DCDC1: variants seen among roughly 807,000 people sequenced by gnomAD.
The protein encoded by DCDC1 is doublecortin domain containing 1.
DCDC1 carries 200 observed loss-of-function variants against 178.3 expected under a neutral mutation model. The observed-to-expected ratio is 1.12, with a 90% CI of 1.00 to 1.26. The LOEUF (loss-of-function observed/expected upper bound fraction) is 1.26. DCDC1 is among the 50% of genes most tolerant of loss of function. The pLI is 0.00. For missense variants in DCDC1, 1,983 were observed against 1,749.2 expected (o/e 1.13, Z -2.38); for synonymous variants, 690 against 604.8 (o/e 1.14, Z -2.07).
chr11:31,144,930 A>T (rs980680516), intron 9 of DCDC1, among the ~76,000 whole-genome samples: 4 of 152,130 alleles, frequency 2.6e-5, no homozygotes, highest in African/African-American at 4.8e-5. Flanking sequence ...TATCCATATT[A>T]GACTTAGAAA....
chr11:31,001,039 A>G (rs1670344774), intron 20 of DCDC1, among the ~76,000 whole-genome samples: 1 of 152,164 alleles, frequency 6.6e-6, no homozygotes, highest in African/African-American at 2.4e-5. Flanking sequence ...AATTATTACC[A>G]TAACAGCTGT....
intron 8 of DCDC1, among the ~76,000 whole-genome samples, chr11:31,255,212 A>C (rs1315865444): frequency 1.3e-5 from 2 of 152,182 alleles, no homozygotes; most frequent in African/African-American, 4.8e-5. Flanking sequence ...ATGAACATTC[A>C]TGAACATTTG....
intron 20 of DCDC1, among the ~76,000 whole-genome samples, chr11:31,001,220 T>C (rs577188135): frequency 1.3e-5 from 2 of 152,332 alleles, no homozygotes; most frequent in South Asian, 2.1e-4. Context: ...AATTCATTAT[T>C]ATCATTATTT....
Position 31,305,622 on chromosome 11 carries a change from T to C in DCDC1, c.747A>G (p.Lys249=), listed in dbSNP as rs1308392143. The change falls in exon 6 of 39, where the codon AAA becomes AAG. Residue 249 remains lysine (K), a synonymous_variant. Coordinates refer to ENST00000684477, the MANE Select transcript of DCDC1 (RefSeq NM_001387274.1). ...TTTTTAGATCTTTTTTACCTTTAAT[T>C]TTTTTGAATGGATTTAAAAAGGGCT... ...TGEPFLNPFK[K]IKDHLLLIKK... is the part of the protein sequence containing the mutation. 3 of 1,613,314 alleles carry C rather than the reference T, an allele frequency of 1.9e-6. No individual in the cohort carries two copies. In the East Asian group the frequency reaches 6.7e-5, roughly 36 times the overall value.
intron 21 of DCDC1, among the ~76,000 whole-genome samples, chr11:30,942,354 C>A (rs562735103): frequency 1.3e-5 from 2 of 152,086 alleles, no homozygotes; most frequent in African/African-American, 4.8e-5. Context: ...TGGAGAAAAT[C>A]AACTTTTATA....
At chr11:31,233,660 C>A (rs1470753827) in intron 9 of DCDC1, among the ~76,000 whole-genome samples, 1 of 151,094 alleles carries the variant, frequency 6.6e-6, no homozygotes, top group Non-Finnish European at 1.5e-5. Flanking sequence ...AGATTGTGAA[C>A]TATATGTGTT....
intron 8 of DCDC1, among the ~76,000 whole-genome samples, chr11:31,247,034 A>G (rs1943613796): frequency 6.6e-6 from 1 of 152,088 alleles, no homozygotes; most frequent in South Asian, 2.1e-4. Context: ...CTACAGTGTT[A>G]TAATACTGCT....
At chr11:30,878,801 C>T (rs537430340) in intron 37 of DCDC1, 90 bp from the exon 38 acceptor site, 72 of 1,284,758 alleles carry the variant, frequency 5.6e-5, no homozygotes, top group Non-Finnish European at 6.9e-5. Context: ...ACTTGAAGAC[C>T]CCTCACAAAT....
intron 9 of DCDC1, among the ~76,000 whole-genome samples, chr11:31,213,123 C>CCTCTCTCTCTCTCT (rs1972904562): frequency 7.8e-6 from 1 of 127,540 alleles, no homozygotes; most frequent in Non-Finnish European, 1.7e-5. Flanking sequence ...CTCTCTCTCT[C>CCTCTCTCTCTCTCT]TCTCTCTCTC....
chr11:31,200,987 C>T (rs1311385205), intron 9 of DCDC1, among the ~76,000 whole-genome samples: 1 of 151,722 alleles, frequency 6.6e-6, no homozygotes, highest in African/African-American at 2.4e-5. Flanking sequence ...CAAATCTTCT[C>T]TAATTGGCTC....
chr11:31,113,338 G>A (rs1172416740), intron 11 of DCDC1, among the ~76,000 whole-genome samples: 3 of 152,092 alleles, frequency 2.0e-5, no homozygotes, highest in East Asian at 3.9e-4. Context: ...TGTGCACAAC[G>A]TGCATGTTTG....
intron 20 of DCDC1, among the ~76,000 whole-genome samples, chr11:30,970,083 G>A (rs781188004): frequency 6.6e-6 from 1 of 152,174 alleles, no homozygotes; most frequent in Non-Finnish European, 1.5e-5. Flanking sequence ...GGATAGAATG[G>A]GAATCTGGAG....
chr11:31,231,659 A>G (rs779706378), intron 9 of DCDC1, among the ~76,000 whole-genome samples: 45 of 152,094 alleles, frequency 3.0e-4, no homozygotes, highest in Non-Finnish European at 5.7e-4. Flanking sequence ...TTGTTACTTA[A>G]TAAGCCCTTC....
chr11:31,296,326 A>G (rs1361432953), intron 6 of DCDC1, among the ~76,000 whole-genome samples: 2 of 152,222 alleles, frequency 1.3e-5, no homozygotes, highest in East Asian at 3.9e-4. Context: ...TCTGTTCATT[A>G]TCCCTGTTCA....
rs763229369 is a variant in DCDC1, at chr11:30,917,124, G to C, written c.3294-96C>G. 269 of 1,204,790 alleles carry C rather than the reference G, an allele frequency of 2.2e-4. 2 individuals carry two copies. Among genetic ancestry groups the C allele is most frequent in the South Asian group, 9.0e-4 (37 of 41,036 alleles). The allele number at this position is 1,204,790 out of a possible 1,614,324, so 74.6% of individuals were successfully genotyped here. On this transcript the variant is annotated intron_variant, in intron 25 of 38. Transcript: ENST00000684477. Reference sequence around the variant, plus strand: ...GTAGTCTGATCATATTCCACAGGATGTTGGTGGATCTATAAATCTTATTTC... The same window carrying C: ...GTAGTCTGATCATATTCCACAGGATCTTGGTGGATCTATAAATCTTATTTC...
chr11:31,034,143 C>CAAA lies in DCDC1; in HGVS notation c.2591+30323_2591+30325dup, dbSNP rs11439632. Among the ~76,000 whole-genome samples the CAAA allele has an allele frequency of 6.5e-3, 660 of 101,966 alleles. 9 individuals carry two copies. The highest frequency in any genetic ancestry group is 0.019 in the Middle Eastern group (4 of 210). The allele number at this position is 101,966 out of a possible 152,430, so 66.9% of individuals were successfully genotyped here. ...TGGGCGACAGAGTGAGGCTCTGTCT[C>CAAA]AAAAAAAAAAAAAAAAACCTTTAAA... On this transcript the variant is annotated intron_variant, in intron 20 of 38. Transcript: ENST00000684477.
chr11:31,154,127 C>T (rs896697282), intron 9 of DCDC1, among the ~76,000 whole-genome samples: 2 of 152,168 alleles, frequency 1.3e-5, no homozygotes, highest in Non-Finnish European at 1.5e-5. Flanking sequence ...TCTCCTGCTC[C>T]GGCATGTGAA....
intron 6 of DCDC1, among the ~76,000 whole-genome samples, chr11:31,292,273 A>G (rs1947289852): frequency 6.6e-6 from 1 of 152,152 alleles, no homozygotes. Flanking sequence ...TAAATAGCCA[A>G]AAGAATTGAA....
intron 9 of DCDC1, among the ~76,000 whole-genome samples, chr11:31,180,798 C>T (rs146019533): frequency 0.016 from 2,476 of 152,130 alleles, 30 homozygotes; most frequent in South Asian, 0.041. Context: ...ACTGAGCTAG[C>T]TGCAGGAGTT....
Sources: allele counts gnomAD v4.1 joint callset (sites outside exome capture counted in the v4.1 genomes callset), GRCh38; gene constraint gnomAD v4.1.1; transcripts MANE v1.5; gene names NCBI Gene and HGNC (gene_info 2026-07-23, HGNC 2026-07-21).